SNX29: variants seen among roughly 807,000 people sequenced by gnomAD.
SNX29 encodes sorting nexin 29.
A neutral mutation model predicts 102.1 loss-of-function variants in SNX29; 78 were observed. That is an observed-to-expected ratio of 0.76 (90% CI 0.64 to 0.92). The LOEUF (loss-of-function observed/expected upper bound fraction) is 0.92, where lower values mean the gene tolerates loss of function less well. SNX29 is among the 40% of genes least tolerant of loss of function. SNX29 has a pLI of 0.00. For missense variants in SNX29, 1,280 were observed against 1,061.7 expected, an observed-to-expected ratio of 1.21 and a Z score of -2.86; for synonymous variants, 580 against 414.5, an observed-to-expected ratio of 1.40 and a Z score of -4.85.
chr16:12,201,174 G>A (rs2076905826), intron 14 of SNX29, among the ~76,000 whole-genome samples: 1 of 152,198 alleles, frequency 6.6e-6, no homozygotes, highest in African/African-American at 2.4e-5. Flanking sequence ...GGAGTTATCA[G>A]TGCAGAATTA....
intron 13 of SNX29, among the ~76,000 whole-genome samples, chr16:12,138,744 T>G (rs1320584469): frequency 6.6e-6 from 1 of 152,140 alleles, no homozygotes; most frequent in Admixed American, 6.5e-5. Context: ...AGAGAGGGGT[T>G]CTTTCACTAG....
intron 19 of SNX29, among the ~76,000 whole-genome samples, chr16:12,489,219 G>A (rs2088411020): frequency 1.3e-5 from 2 of 151,674 alleles, no homozygotes; most frequent in South Asian, 2.1e-4. Flanking sequence ...ACTTCAAACG[G>A]CAGAAAAACA....
chr16:12,061,383 T>C, intron 8 of SNX29, 145 bp from the exon 9 acceptor site: 1 of 644,292 alleles, frequency 1.6e-6, no homozygotes, highest in South Asian at 1.9e-5. Context: ...GACTCCACGC[T>C]CTACCTCCCA....
intron 18 of SNX29, among the ~76,000 whole-genome samples, chr16:12,407,035 C>A (rs2084193975): frequency 6.6e-6 from 1 of 152,252 alleles, no homozygotes; most frequent in South Asian, 2.1e-4. Context: ...ACCCCACACA[C>A]AGAGGTCTGC....
At chr16:12,417,774 T>TTTCCTTCTTTCTCTTTG in intron 18 of SNX29, among the ~76,000 whole-genome samples, 1 of 152,122 alleles carries the variant, frequency 6.6e-6, no homozygotes, top group Non-Finnish European at 1.5e-5. Flanking sequence ...TCCCTTCCCC[T>TTTCCTTCTTTCTCTTTG]TTCCTTCTTT....
At chr16:12,401,929 C>T (rs1210748599) in intron 17 of SNX29, among the ~76,000 whole-genome samples, 1 of 152,158 alleles carries the variant, frequency 6.6e-6, no homozygotes, top group Non-Finnish European at 1.5e-5. Context: ...TTAACCCAGG[C>T]TGGGGTAACC....
chr16:12,024,110 G>A (rs2057117865), intron 3 of SNX29, among the ~76,000 whole-genome samples: 1 of 151,978 alleles, frequency 6.6e-6, no homozygotes. Context: ...AAGGCTTCCT[G>A]GAGGAGGGAA....
intron 14 of SNX29, among the ~76,000 whole-genome samples, chr16:12,248,769 T>G (rs1287437603): frequency 1.3e-5 from 2 of 151,948 alleles, no homozygotes; most frequent in African/African-American, 4.8e-5. Flanking sequence ...AGAATGGCAC[T>G]TCTGGCACTG....
rs1389140100 is a variant in SNX29, at chr16:12,129,685, G to GAGGTGGACACCTTGAAAAGGA, written c.1529_1549dup (p.Asp510_Val516dup). ...GGAGCACTCAGCCGCGCTCCGGCAA[G>GAGGTGGACACCTTGAAAAGGA]AGGTGGACACCTTGAAAAGGAAGGT... On this transcript the variant is annotated inframe_insertion, in exon 13 of 21. Transcript: ENST00000566228. The GAGGTGGACACCTTGAAAAGGA allele has an allele frequency of 6.2e-7, 1 of 1,611,252 alleles. No homozygotes were observed. The highest frequency in any genetic ancestry group is 1.3e-5 in the African/African-American group (1 of 74,862).
chr16:12,445,457 G>C (rs147888558), intron 18 of SNX29, among the ~76,000 whole-genome samples: 122 of 152,334 alleles, frequency 8.0e-4, no homozygotes, highest in African/African-American at 2.8e-3. Context: ...GGGGCTCCCT[G>C]AGGGTAGGGC....
chr16:12,054,210 C>T (rs1471020699), intron 8 of SNX29, among the ~76,000 whole-genome samples: 2 of 152,230 alleles, frequency 1.3e-5, no homozygotes, highest in African/African-American at 2.4e-5. Context: ...TCGTGATCTG[C>T]CCGCCTTGGC....
chr16:12,456,743 G>A (rs188421173), intron 18 of SNX29, among the ~76,000 whole-genome samples: 1 of 152,242 alleles, frequency 6.6e-6, no homozygotes, highest in East Asian at 1.9e-4. Context: ...TGTGCCTGGG[G>A]GGATGTGTGA....
intron 20 of SNX29, among the ~76,000 whole-genome samples, chr16:12,552,836 C>A (rs562751216): frequency 6.6e-6 from 1 of 152,258 alleles, no homozygotes; most frequent in East Asian, 1.9e-4. Context: ...ACCTGACCTG[C>A]CAGAGAGGAG....
intron 15 of SNX29, among the ~76,000 whole-genome samples, chr16:12,312,981 A>G (rs982920023): frequency 6.6e-6 from 1 of 150,866 alleles, no homozygotes; most frequent in Non-Finnish European, 1.5e-5. Context: ...TAGCATTGTC[A>G]TAAAGGAGCT....
At chr16:12,463,378 C>A (rs1488319542) in intron 18 of SNX29, among the ~76,000 whole-genome samples, 1 of 152,200 alleles carries the variant, frequency 6.6e-6, no homozygotes, top group Non-Finnish European at 1.5e-5. Flanking sequence ...ATTGGACTCA[C>A]AGTTCCACAT....
intron 19 of SNX29, among the ~76,000 whole-genome samples, chr16:12,497,669 T>C (rs2088899090): frequency 6.6e-6 from 1 of 152,190 alleles, no homozygotes; most frequent in Non-Finnish European, 1.5e-5. Flanking sequence ...TCTGTTCCTG[T>C]TTTTTTCTCT....
chr16:12,058,925 T>A (rs2050646760), intron 8 of SNX29, among the ~76,000 whole-genome samples: 1 of 151,146 alleles, frequency 6.6e-6, no homozygotes, highest in South Asian at 2.1e-4. Flanking sequence ...CTCCAGTAGC[T>A]GGGTCTACAG....
In SNX29 at chr16:12,466,654, C is replaced by T. The variant is rs1177630255; in HGVS notation, c.2038-11065C>T. ...CTACCTCACCATGATCTACCTGGAG[C>T]CCCAGCCCAACAGCCATGAACCAAA... is the stretch of plus-strand genomic sequence containing the variant. On this transcript the variant is annotated intron_variant, in intron 18 of 20. Coordinates refer to ENST00000566228, the MANE Select transcript of SNX29 (RefSeq NM_032167.5). Among the ~76,000 whole-genome samples, 4 of 152,184 alleles carry T rather than the reference C, an allele frequency of 2.6e-5. No individual in the cohort carries two copies. In the East Asian group the frequency reaches 7.7e-4, roughly 29 times the overall value.
chr16:12,541,918 TGCCCACGGTACATCCTGG>T (rs2077359671), intron 20 of SNX29, among the ~76,000 whole-genome samples: 1 of 152,348 alleles, frequency 6.6e-6, no homozygotes, highest in South Asian at 2.1e-4. Flanking sequence ...TTCCACTGAT[TGCCCACGGTACATCCTGG>T]GCCCACACAA....
Sources: allele counts gnomAD v4.1 joint callset (sites outside exome capture counted in the v4.1 genomes callset), GRCh38; gene constraint gnomAD v4.1.1; transcripts MANE v1.5; gene names NCBI Gene and HGNC (gene_info 2026-07-23, HGNC 2026-07-21).